SLC1A3: variants seen among roughly 807,000 people sequenced by gnomAD.
SLC1A3 encodes solute carrier family 1 member 3.
A neutral mutation model predicts 48.1 loss-of-function variants in SLC1A3; 21 were observed. The ratio of observed to expected loss-of-function variants is 0.44; its 90% CI spans 0.31 to 0.63. The LOEUF is 0.63. SLC1A3 is among the 20% of genes least tolerant of loss of function. The pLI is 0.08. For synonymous variants in SLC1A3, 239 were observed against 251.4 expected (o/e 0.95, Z 0.47); for missense variants, 546 against 689.0 (o/e 0.79, Z 2.32).
chr5:36,612,198 CAT>C (rs542261732), intron 2 of SLC1A3, among the ~76,000 whole-genome samples: 6 of 152,220 alleles, frequency 3.9e-5, no homozygotes, highest in African/African-American at 1.4e-4. Context: ...CACACACACA[CAT>C]ACACACACAC....
intron 2 of SLC1A3, among the ~76,000 whole-genome samples, chr5:36,621,580 G>A (rs748992237): frequency 3.0e-4 from 46 of 152,196 alleles, no homozygotes; most frequent in Non-Finnish European, 6.2e-4. Context: ...CAATAGTCCA[G>A]CCAATAAGGA....
chr5:36,607,792 G>C (rs1296897488), intron 1 of SLC1A3, among the ~76,000 whole-genome samples: 2 of 152,188 alleles, frequency 1.3e-5, no homozygotes, highest in African/African-American at 4.8e-5. Flanking sequence ...ATATTTACTA[G>C]TAGATATTAT....
chr5:36,668,692 G>A (rs1317638697), intron 3 of SLC1A3: 3 of 152,200 alleles, frequency 2.0e-5, no homozygotes, highest in Non-Finnish European at 4.4e-5. Flanking sequence ...GGGAAAAAAT[G>A]CCTTGATGGT....
intron 2 of SLC1A3, among the ~76,000 whole-genome samples, chr5:36,623,908 AC>A (rs1280355448): frequency 6.6e-6 from 1 of 151,936 alleles, no homozygotes; most frequent in Non-Finnish European, 1.5e-5. Context: ...TGGTCATGCT[AC>A]GTCTCCTTGG....
intron 3 of SLC1A3, among the ~76,000 whole-genome samples, chr5:36,654,656 CAT>C (rs1741218598): frequency 4.6e-5 from 7 of 152,184 alleles, no homozygotes; most frequent in Admixed American, 4.6e-4. Flanking sequence ...GAGCATCTGC[CAT>C]ATGTCTTCAT....
chr5:36,658,479 G>A (rs538931110), intron 3 of SLC1A3, among the ~76,000 whole-genome samples: 1 of 152,214 alleles, frequency 6.6e-6, no homozygotes, highest in Non-Finnish European at 1.5e-5. Flanking sequence ...TGCATATTGA[G>A]TCTATAGAAA....
chr5:36,610,828 C>T (rs1739163822), intron 2 of SLC1A3, among the ~76,000 whole-genome samples: 1 of 152,082 alleles, frequency 6.6e-6, no homozygotes, highest in Non-Finnish European at 1.5e-5. Flanking sequence ...CGGGTGCCCT[C>T]ATGGTTGGCT....
chr5:36,612,768 C>CCTTA (rs1444996731), intron 2 of SLC1A3: 1 of 455,946 alleles, frequency 2.2e-6, no homozygotes, highest in Non-Finnish European at 4.4e-6. Flanking sequence ...AAGCCCAAAT[C>CCTTA]CTTACCACAC....
intron 6 of SLC1A3, 142 bp downstream of exon 6, chr5:36,677,326 TCTCTGGGC>T (rs1742255665): frequency 4.3e-6 from 3 of 694,252 alleles, no homozygotes; most frequent in East Asian, 5.4e-5. Context: ...AATCAATGAA[TCTCTGGGC>T]CTCTAGAGGC....
intron 3 of SLC1A3, chr5:36,667,571 C>A (rs1213340738): frequency 6.6e-6 from 1 of 152,178 alleles, no homozygotes; most frequent in Non-Finnish European, 1.5e-5. Context: ...TATTTAACTT[C>A]TCTGGTCTCT....
chr5:36,682,022 A>G (rs1422884392), intron 8 of SLC1A3, among the ~76,000 whole-genome samples: 1 of 152,196 alleles, frequency 6.6e-6, no homozygotes, highest in Non-Finnish European at 1.5e-5. Context: ...CTCTGCCATT[A>G]TGACATTTCA....
intron 3 of SLC1A3, among the ~76,000 whole-genome samples, chr5:36,632,373 A>C (rs3776567): frequency 0.15 from 22,407 of 152,236 alleles, 2,617 homozygotes; most frequent in African/African-American, 0.32. Flanking sequence ...ATTTGAACTC[A>C]GGTTTGAATG....
At chr5:36,661,164 C>T (rs1741495296) in intron 3 of SLC1A3, among the ~76,000 whole-genome samples, 1 of 152,212 alleles carries the variant, frequency 6.6e-6, no homozygotes, top group Admixed American at 6.5e-5. Flanking sequence ...GTAATCTCAG[C>T]ACTTTGGGAG....
At chr5:36,655,702 C>T (rs1030342452) in intron 3 of SLC1A3, among the ~76,000 whole-genome samples, 1 of 152,182 alleles carries the variant, frequency 6.6e-6, no homozygotes, top group African/African-American at 2.4e-5. Flanking sequence ...CTGTCCTAGC[C>T]TCACCACTAA....
chr5:36,615,108 G>A (rs1285429035), intron 2 of SLC1A3, among the ~76,000 whole-genome samples: 2 of 152,120 alleles, frequency 1.3e-5, no homozygotes, highest in African/African-American at 4.8e-5. Context: ...GCTATGACCA[G>A]GCCACCCTCC....
At chr5:36,604,299 A>C (rs1041794952), upstream of SLC1A3, among the ~76,000 whole-genome samples, 4 of 151,730 alleles carry the variant, frequency 2.6e-5, no homozygotes, top group African/African-American at 7.3e-5. Flanking sequence ...AGACTTGTTC[A>C]TAATTTCTTG....
At chr5:36,635,662 C>G (rs904281794) in intron 3 of SLC1A3, among the ~76,000 whole-genome samples, 1 of 152,172 alleles carries the variant, frequency 6.6e-6, no homozygotes, top group Non-Finnish European at 1.5e-5. Context: ...ACTGCTGTGT[C>G]TTTTCTGAGA....
intron 3 of SLC1A3, chr5:36,666,501 A>T (rs776244540): frequency 6.6e-6 from 1 of 152,220 alleles, no homozygotes; most frequent in Non-Finnish European, 1.5e-5. Context: ...GAACAATGAA[A>T]CATCATGGGG....
At chr5:36,611,122 C>G (rs1236759993) in intron 2 of SLC1A3, among the ~76,000 whole-genome samples, 1 of 151,994 alleles carries the variant, frequency 6.6e-6, no homozygotes, top group Non-Finnish European at 1.5e-5. Flanking sequence ...AAGAATGTGT[C>G]TGTACACCAA....
Sources: allele counts gnomAD v4.1 joint callset (sites outside exome capture counted in the v4.1 genomes callset), GRCh38; gene constraint gnomAD v4.1.1; transcripts MANE v1.5; gene names NCBI Gene and HGNC (gene_info 2026-07-23, HGNC 2026-07-21).